Variants in CSMD1 observed in about 807,000 individuals in gnomAD.
CSMD1 encodes the protein CUB and Sushi multiple domains 1.
CSMD1 carries 213 observed loss-of-function variants against 417.5 expected under a neutral mutation model. That is an observed-to-expected ratio of 0.51 (90% CI 0.46 to 0.57). The LOEUF (loss-of-function observed/expected upper bound fraction) is 0.57. Among genes scored for constraint, CSMD1 ranks in the 20% least tolerant of loss-of-function variants. CSMD1 has a pLI of 0.00. For synonymous variants in CSMD1, 2,862 were observed against 1,736.8 expected (o/e 1.65, Z -16.11); for missense variants, 6,923 against 4,529.7 (o/e 1.53, Z -15.17).
chr8:3,779,926 G>C (rs1223517661), intron 5 of CSMD1, among the ~76,000 whole-genome samples: 4 of 152,066 alleles, frequency 2.6e-5, no homozygotes, highest in Non-Finnish European at 5.9e-5. Flanking sequence ...TCCACTGCTT[G>C]TCTTAACCTT....
intron 1 of CSMD1, among the ~76,000 whole-genome samples, chr8:4,824,298 C>G (rs139901776): frequency 6.6e-4 from 101 of 151,980 alleles, no homozygotes; most frequent in African/African-American, 2.3e-3. Flanking sequence ...GGGTACGTAT[C>G]AATTGAAATA....
chr8:4,755,905 T>A (rs927768308), intron 1 of CSMD1, among the ~76,000 whole-genome samples: 2 of 152,162 alleles, frequency 1.3e-5, no homozygotes, highest in Admixed American at 6.5e-5. Flanking sequence ...GCCTTCAGTT[T>A]TTTCCTTTCC....
chr8:3,616,595 T>G, intron 8 of CSMD1, 115 bp downstream of exon 8: 1 of 676,430 alleles, frequency 1.5e-6, no homozygotes, highest in South Asian at 1.9e-5. Flanking sequence ...GAGTTAATGA[T>G]TAAGAAGTTT....
intron 4 of CSMD1, among the ~76,000 whole-genome samples, chr8:4,028,789 T>A (rs925795571): frequency 6.6e-6 from 1 of 152,242 alleles, no homozygotes; most frequent in African/African-American, 2.4e-5. Flanking sequence ...AGTGAAGTTT[T>A]TAGCAAATTT....
chr8:4,971,706 T>TATATAA (rs1491581003), intron 1 of CSMD1, among the ~76,000 whole-genome samples: 1 of 148,020 alleles, frequency 6.8e-6, no homozygotes, highest in African/African-American at 2.5e-5. Context: ...TATATATATA[T>TATATAA]AATTTGCTTC....
At chr8:3,664,800 G>T (rs1288168175) in intron 7 of CSMD1, among the ~76,000 whole-genome samples, 2 of 152,164 alleles carry the variant, frequency 1.3e-5, no homozygotes, top group Non-Finnish European at 2.9e-5. Context: ...TGTACACAAA[G>T]CTATCAAGAG....
intron 5 of CSMD1, among the ~76,000 whole-genome samples, chr8:3,846,057 A>C (rs1803480156): frequency 6.6e-6 from 1 of 150,546 alleles, no homozygotes; most frequent in Non-Finnish European, 1.5e-5. Context: ...TTTACAGTTA[A>C]AATTAAAAAA....
chr8:3,526,127 A>T (rs948733365), intron 10 of CSMD1, among the ~76,000 whole-genome samples: 1 of 152,220 alleles, frequency 6.6e-6, no homozygotes, highest in Non-Finnish European at 1.5e-5. Flanking sequence ...CATTCTGTTT[A>T]GAAATTGAAA....
Position 3,284,289 on chromosome 8 carries a change from G to A in CSMD1, c.4008C>T (p.Asp1336=), listed in dbSNP as rs779152958. The change falls in exon 26 of 70, where the codon GAC becomes GAT. Residue 1336 remains aspartate (D), a synonymous_variant. Coordinates refer to ENST00000635120, the MANE Select transcript of CSMD1 (RefSeq NM_033225.6). Reference sequence around the variant, plus strand: ...GCAGGATGTCACTGTCCACCGGCCCGTCCCAGACCTTGAGGATGTCGTGAG... The same window carrying A: ...GCAGGATGTCACTGTCCACCGGCCCATCCCAGACCTTGAGGATGTCGTGAG... ...EMAHDILKVW[D]GPVDSDILLK... 6 of 1,613,776 alleles carry A rather than the reference G, an allele frequency of 3.7e-6. No individual in the cohort carries two copies. Among genetic ancestry groups the A allele is most frequent in the Admixed American group, 1.7e-5 (1 of 60,004 alleles).
At chr8:4,399,404 A>G (rs1804493444) in intron 3 of CSMD1, among the ~76,000 whole-genome samples, 1 of 152,222 alleles carries the variant, frequency 6.6e-6, no homozygotes, top group Admixed American at 6.5e-5. Context: ...GGCAAGGGCT[A>G]AAGAGGTTAA....
intron 1 of CSMD1, among the ~76,000 whole-genome samples, chr8:4,772,452 T>A (rs567064923): frequency 6.6e-6 from 1 of 152,332 alleles, no homozygotes; most frequent in South Asian, 2.1e-4. Context: ...TAGCTTTAAT[T>A]ATATCATGAG....
At chr8:3,830,747 T>C (rs1189524373) in intron 5 of CSMD1, among the ~76,000 whole-genome samples, 2 of 152,158 alleles carry the variant, frequency 1.3e-5, no homozygotes, top group Non-Finnish European at 2.9e-5. Context: ...ATAATAATTA[T>C]TCAAAAGAAC....
At chr8:3,398,073 T>C (rs575680810) in intron 16 of CSMD1, among the ~76,000 whole-genome samples, 9 of 152,028 alleles carry the variant, frequency 5.9e-5, no homozygotes, top group African/African-American at 1.7e-4. Flanking sequence ...ATGAATGAGA[T>C]TGGGAAAAAT....
At chr8:3,306,372 C>G (rs1434363209) in intron 25 of CSMD1, among the ~76,000 whole-genome samples, 1 of 152,136 alleles carries the variant, frequency 6.6e-6, no homozygotes, top group Non-Finnish European at 1.5e-5. Context: ...TGGAGTTTTG[C>G]CATGCTGGCC....
chr8:3,141,485 C>A (rs1052434442), intron 41 of CSMD1, among the ~76,000 whole-genome samples: 16 of 152,152 alleles, frequency 1.1e-4, no homozygotes, highest in African/African-American at 3.9e-4. Flanking sequence ...GCAGGACTAA[C>A]AAATTACCTG....
chr8:3,691,391 C>CA (rs920193895), intron 7 of CSMD1, among the ~76,000 whole-genome samples: 1 of 151,062 alleles, frequency 6.6e-6, no homozygotes, highest in African/African-American at 2.4e-5. Context: ...AACAAAAAAA[C>CA]AAAAAACAAA....
At chr8:4,518,814 T>C (rs895086084) in intron 2 of CSMD1, among the ~76,000 whole-genome samples, 3 of 151,942 alleles carry the variant, frequency 2.0e-5, no homozygotes, top group South Asian at 2.1e-4. Context: ...ATAATTAAAA[T>C]AAAATCTAAG....
Position 3,687,389 on chromosome 8 carries a change from G to C in CSMD1, c.1009+21025C>G, listed in dbSNP as rs190569380. On this transcript the variant is annotated intron_variant, in intron 7 of 69. Coordinates refer to ENST00000635120, the MANE Select transcript of CSMD1 (RefSeq NM_033225.6). Reference sequence around the variant, plus strand: ...AAAATCCATGGTGAGCAGGGATATGGAACTCTGCATTTCTAATTTTAGGCT... The same window carrying C: ...AAAATCCATGGTGAGCAGGGATATGCAACTCTGCATTTCTAATTTTAGGCT... Among the ~76,000 whole-genome samples the C allele has an allele frequency of 3.1e-3, 472 of 152,310 alleles. 7 individuals carry two copies. Among genetic ancestry groups the C allele is most frequent in the Admixed American group, 0.022 (332 of 15,292 alleles).
intron 6 of CSMD1, among the ~76,000 whole-genome samples, chr8:3,720,707 C>A (rs1051553886): frequency 6.6e-6 from 1 of 151,640 alleles, no homozygotes; most frequent in African/African-American, 2.4e-5. Flanking sequence ...ATACCTAGTT[C>A]CAGGCATGTA....
Sources: gnomAD v4.1 joint callset for allele counts (sites outside exome capture counted in the v4.1 genomes callset) on GRCh38, gnomAD v4.1.1 for gene constraint, MANE v1.5 for transcripts, NCBI Gene and HGNC (gene_info 2026-07-23, HGNC 2026-07-21) for gene names.